Variants in BRINP2 observed in about 807,000 individuals in gnomAD.
The protein encoded by BRINP2 is BMP/retinoic acid-inducible neural-specific protein 2.
A neutral mutation model predicts 69.2 loss-of-function variants in BRINP2; 21 were observed. The ratio of observed to expected loss-of-function variants is 0.30; its 90% CI spans 0.22 to 0.44. The LOEUF (loss-of-function observed/expected upper bound fraction) is 0.44, where lower values mean the gene tolerates loss of function less well. BRINP2 is among the 20% of genes least tolerant of loss of function. BRINP2 has a pLI of 1.00. For missense variants in BRINP2, 877 were observed against 986.0 expected (o/e 0.89, Z 1.48); for synonymous variants, 380 against 394.1 (o/e 0.96, Z 0.42).
At chr1:177,257,902 T>G (rs1342222255) in intron 4 of BRINP2, among the ~76,000 whole-genome samples, 1 of 152,174 alleles carries the variant, frequency 6.6e-6, no homozygotes, top group Non-Finnish European at 1.5e-5. Flanking sequence ...AAGTAAGTAC[T>G]AAGGCCTTTT....
chr1:177,258,050 G>A (rs576464077), intron 4 of BRINP2, among the ~76,000 whole-genome samples: 5 of 152,264 alleles, frequency 3.3e-5, no homozygotes, highest in Non-Finnish European at 7.4e-5. Context: ...ATAAGTGAAA[G>A]TGCAGTGAAA....
At position 177,281,841 on chromosome 1, in the gene BRINP2, A is replaced by T; in HGVS notation, c.*313A>T. On this transcript the variant is annotated 3_prime_UTR_variant, in exon 8 of 8. Transcript: ENST00000361539. ...AAGAAAGGAGCCAAGGAAGAGATTAAGAAAAAGAACCAGCTGAACCATGAA... is the reference window on the plus strand; with the variant it reads ...AAGAAAGGAGCCAAGGAAGAGATTATGAAAAAGAACCAGCTGAACCATGAA... 4.1e-6 allele frequency: 1 copy of T among 244,294 alleles called. No homozygotes were observed. Among genetic ancestry groups the T allele is most frequent in the Non-Finnish European group, 7.8e-6 (1 of 128,240 alleles). The allele number at this position is 244,294 out of a possible 1,614,324, so 15.1% of individuals were successfully genotyped here.
rs115715872 is a variant in BRINP2 at position 177,199,302 on chromosome 1, C to T, written c.-77+27570C>T. Among the ~76,000 whole-genome samples, 251 of 152,262 alleles carry T rather than the reference C, an allele frequency of 1.6e-3. 2 individuals carry two copies. Among genetic ancestry groups the T allele is most frequent in the African/African-American group, 5.7e-3 (237 of 41,550 alleles). ...TTTGGTTTCCAACTTTGGCCGCATA[C>T]ACTAGAGCACTTTTGTTTGACTTTT... On this transcript the variant is annotated intron_variant, in intron 1 of 7. Coordinates refer to ENST00000361539, the MANE Select transcript of BRINP2 (RefSeq NM_021165.4).
intron 1 of BRINP2, among the ~76,000 whole-genome samples, chr1:177,219,547 T>C (rs4652235): frequency 6.6e-6 from 1 of 152,234 alleles, no homozygotes; most frequent in Admixed American, 6.5e-5. Context: ...AACACAATCC[T>C]GGAAACAATG....
At position 177,229,939 on chromosome 1, in the gene BRINP2, C is replaced by T; in HGVS notation, c.63C>T (p.Ala21=). ...GLRPAVAPWT[A]LLALGLPGWV... is the part of the protein sequence containing the mutation. ...GGCCGGCGGTGGCCCCATGGACAGC[C>T]CTGCTGGCACTGGGCCTGCCTGGCT... The change falls in exon 2 of 8, where the codon GCC becomes GCT. Residue 21 remains alanine, a synonymous_variant. Transcript: ENST00000361539. 1 of 1,613,200 alleles carries T rather than the reference C, an allele frequency of 6.2e-7. No homozygotes were observed. Among genetic ancestry groups the T allele is most frequent in the South Asian group, 1.1e-5 (1 of 90,938 alleles).
intron 1 of BRINP2, among the ~76,000 whole-genome samples, chr1:177,184,792 A>G (rs1464500987): frequency 1.3e-5 from 2 of 152,022 alleles, no homozygotes; most frequent in African/African-American, 2.4e-5. Flanking sequence ...CCATTAAAAT[A>G]TGGGTTACTA....
At chr1:177,223,714 A>C (rs1047868757) in intron 1 of BRINP2, among the ~76,000 whole-genome samples, 1 of 152,176 alleles carries the variant, frequency 6.6e-6, no homozygotes, top group African/African-American at 2.4e-5. Flanking sequence ...TTGCATAATT[A>C]TTAATATTAT....
chr1:177,215,690 C>T (rs932444303), intron 1 of BRINP2, among the ~76,000 whole-genome samples: 16 of 152,048 alleles, frequency 1.1e-4, no homozygotes, highest in Non-Finnish European at 2.1e-4. Context: ...TTACATATTT[C>T]TCTTCCCTTA....
intron 1 of BRINP2, among the ~76,000 whole-genome samples, chr1:177,174,865 T>C (rs1648041114): frequency 6.6e-6 from 1 of 152,228 alleles, no homozygotes; most frequent in Non-Finnish European, 1.5e-5. Context: ...TCATTAGACA[T>C]TGAAAATTAT....
intron 1 of BRINP2, among the ~76,000 whole-genome samples, chr1:177,187,828 C>T (rs144871069): frequency 6.6e-6 from 1 of 152,218 alleles, no homozygotes; most frequent in Non-Finnish European, 1.5e-5. Flanking sequence ...AGGAGTTAAC[C>T]ATATGATTTT....
intron 1 of BRINP2, among the ~76,000 whole-genome samples, chr1:177,182,850 A>G (rs1399237719): frequency 6.6e-6 from 1 of 152,228 alleles, no homozygotes; most frequent in African/African-American, 2.4e-5. Flanking sequence ...AGAGTATGAA[A>G]TGAAATAATG....
chr1:177,258,924 A>C (rs1180716051), intron 4 of BRINP2, among the ~76,000 whole-genome samples: 1 of 152,154 alleles, frequency 6.6e-6, no homozygotes, highest in Non-Finnish European at 1.5e-5. Context: ...ACAATATTGA[A>C]ATTAGGCCAA....
intron 1 of BRINP2, among the ~76,000 whole-genome samples, chr1:177,178,197 T>C (rs1228115956): frequency 6.6e-6 from 1 of 152,182 alleles, no homozygotes; most frequent in Non-Finnish European, 1.5e-5. Context: ...TCTCTGTATC[T>C]CTTCCCTTGA....
intron 1 of BRINP2, among the ~76,000 whole-genome samples, chr1:177,176,780 T>C (rs1246827629): frequency 1.3e-5 from 2 of 152,106 alleles, no homozygotes; most frequent in Non-Finnish European, 2.9e-5. Context: ...AGGGACCTTG[T>C]TAACTGTAAT....
intron 1 of BRINP2, among the ~76,000 whole-genome samples, chr1:177,229,097 G>A (rs1345730363): frequency 1.3e-5 from 2 of 152,150 alleles, no homozygotes; most frequent in African/African-American, 2.4e-5. Flanking sequence ...GATCCACTCC[G>A]ATGACGCTAT....
chr1:177,244,161 T>G (rs541378551), intron 2 of BRINP2, among the ~76,000 whole-genome samples: 1 of 152,330 alleles, frequency 6.6e-6, no homozygotes, highest in South Asian at 2.1e-4. Flanking sequence ...GTGATACTTG[T>G]GAAAAAAATT....
At chr1:177,209,069 TGGGTTGTGTTCCG>T (rs1649150464) in intron 1 of BRINP2, among the ~76,000 whole-genome samples, 1 of 152,040 alleles carries the variant, frequency 6.6e-6, no homozygotes, top group Admixed American at 6.6e-5. Context: ...TGTGACCGCA[TGGGTTGTGTTCCG>T]CTCAACAACA....
rs547994375 is a variant in BRINP2, at chr1:177,183,237, G to T, written c.-77+11505G>T. 1.5e-4 allele frequency among the ~76,000 whole-genome samples: 21 copies of T among 135,650 alleles called. 1 individual carries two copies. The South Asian group carries it at 4.8e-3, about 31-fold the overall frequency. The allele number at this position is 135,650 out of a possible 152,430, so 89.0% of individuals were successfully genotyped here. On this transcript the variant is annotated intron_variant, in intron 1 of 7. Coordinates refer to ENST00000361539, the MANE Select transcript of BRINP2 (RefSeq NM_021165.4). ...AATGGATTTGGCAGTGACTTAAAAA[G>T]ACTTCATGTATTTTGGAAAGAAAAA... is the stretch of plus-strand genomic sequence containing the variant.
chr1:177,174,454 G>A (rs6685565), intron 1 of BRINP2, among the ~76,000 whole-genome samples: 23,138 of 152,162 alleles, frequency 0.15, 3,521 homozygotes, highest in African/African-American at 0.39. Flanking sequence ...GCTCCCATCT[G>A]ACAAAAGGGA....
Sources: gnomAD v4.1 joint callset for allele counts (sites outside exome capture counted in the v4.1 genomes callset) on GRCh38, gnomAD v4.1.1 for gene constraint, MANE v1.5 for transcripts, NCBI Gene and HGNC (gene_info 2026-07-23, HGNC 2026-07-21) for gene names.